The following DPP6 variants were observed in gnomAD, a reference collection of about 807,000 sequenced individuals.
DPP6 encodes the protein dipeptidyl peptidase like 6.
DPP6 carries 69 observed loss-of-function variants against 122.6 expected under a neutral mutation model. The observed-to-expected ratio is 0.56, with a 90% confidence interval of 0.46 to 0.69. DPP6 has a LOEUF of 0.69. DPP6 is among the 30% of genes least tolerant of loss of function. The pLI, the probability that DPP6 is intolerant of heterozygous loss-of-function variation, is 0.00. For synonymous variants in DPP6, 418 were observed against 433.1 expected, an observed-to-expected ratio of 0.97 and a Z score of 0.43; for missense variants, 928 against 1,116.9, an observed-to-expected ratio of 0.83 and a Z score of 2.41.
At chr7:154,597,895 G>C (rs1350300342) in intron 5 of DPP6, among the ~76,000 whole-genome samples, 1 of 152,152 alleles carries the variant, frequency 6.6e-6, no homozygotes, top group Non-Finnish European at 1.5e-5. Context: ...CTCCTTGTGT[G>C]CATGTCTGTC....
At chr7:154,614,128 C>T (rs550723502) in intron 5 of DPP6, among the ~76,000 whole-genome samples, 1 of 152,320 alleles carries the variant, frequency 6.6e-6, no homozygotes, top group South Asian at 2.1e-4. Context: ...AGCTATTCTC[C>T]CTTCCCAATC....
intron 1 of DPP6, among the ~76,000 whole-genome samples, chr7:154,284,152 C>T (rs1804701780): frequency 6.6e-6 from 1 of 152,086 alleles, no homozygotes; most frequent in African/African-American, 2.4e-5. Context: ...ACTGGGTCTT[C>T]TGTCTTCTGG....
At chr7:153,921,047 T>C (rs1800615137) in intron 1 of DPP6, among the ~76,000 whole-genome samples, 1 of 152,274 alleles carries the variant, frequency 6.6e-6, no homozygotes, top group Non-Finnish European at 1.5e-5. Flanking sequence ...TTCCTTGCTC[T>C]ATAGCGAGAA....
intron 4 of DPP6, among the ~76,000 whole-genome samples, chr7:154,548,082 G>A (rs183422312): frequency 5.3e-4 from 81 of 152,114 alleles, no homozygotes; most frequent in Non-Finnish European, 5.1e-4. Flanking sequence ...GGTGGCAGGC[G>A]CCTGTAATCC....
chr7:154,809,209 AT>A (rs1436184702), intron 16 of DPP6, among the ~76,000 whole-genome samples: 11 of 152,166 alleles, frequency 7.2e-5, no homozygotes, highest in African/African-American at 1.2e-4. Context: ...GCAGAAAGCA[AT>A]TCCACTCTTC....
In DPP6 at chr7:154,282,516, G is replaced by A. The variant is rs764616822; in HGVS notation, c.244-163698G>A. ...GTGTGGCACACTGGAAGAAAGACAC[G>A]CTGTATCCTGGGCACAGGTCTTCTG... On this transcript the variant is annotated intron_variant, in intron 1 of 25. Transcript: ENST00000377770. The surrounding 1 kb of genome is among the most constrained non-coding windows in gnomAD (Gnocchi z 4.8). 3.9e-5 allele frequency among the ~76,000 whole-genome samples: 6 copies of A among 152,142 alleles called. No homozygotes were observed. The highest frequency in any genetic ancestry group is 5.9e-5 in the Non-Finnish European group (4 of 68,028).
intron 1 of DPP6, among the ~76,000 whole-genome samples, chr7:153,980,763 T>A (rs1028206972): frequency 1.3e-5 from 2 of 152,220 alleles, no homozygotes; most frequent in African/African-American, 2.4e-5. Flanking sequence ...TTCTCATTGG[T>A]TTCAAAGAAC....
At chr7:154,365,484 TC>T (rs1352382528) in intron 1 of DPP6, among the ~76,000 whole-genome samples, 5 of 152,152 alleles carry the variant, frequency 3.3e-5, no homozygotes, top group African/African-American at 1.2e-4. Flanking sequence ...CTTCTTCTCT[TC>T]CTGTGAACCA....
intron 1 of DPP6, among the ~76,000 whole-genome samples, chr7:153,999,352 C>T (rs1056827466): frequency 4.6e-5 from 7 of 152,224 alleles, no homozygotes; most frequent in African/African-American, 1.4e-4. Context: ...AGTATGGAAA[C>T]CTGATATCTA....
At chr7:153,867,584 T>G in the DPP6 span, among the ~76,000 whole-genome samples, 27 of 151,228 alleles carry the variant, frequency 1.8e-4, no homozygotes, top group African/African-American at 4.9e-4. Context: ...TATACAATCA[T>G]GTCATTTGCA....
At chr7:154,133,876 T>C (rs931187548) in intron 1 of DPP6, among the ~76,000 whole-genome samples, 2 of 150,118 alleles carry the variant, frequency 1.3e-5, no homozygotes, top group Admixed American at 1.3e-4. Context: ...CAGGACCGAG[T>C]GAGTCTCTCA....
chr7:154,165,699 C>T (rs536659070), intron 1 of DPP6, among the ~76,000 whole-genome samples: 1 of 152,136 alleles, frequency 6.6e-6, no homozygotes, highest in African/African-American at 2.4e-5. Context: ...GACTGCCATT[C>T]TAACTGATGT....
chr7:154,876,968 T>C (rs1248165314), intron 20 of DPP6: 1 of 152,124 alleles, frequency 6.6e-6, no homozygotes, highest in African/African-American at 2.4e-5. Flanking sequence ...ATCATCACCG[T>C]TATGGGCAGG....
intron 1 of DPP6, among the ~76,000 whole-genome samples, chr7:154,257,270 C>CA (rs1802718373): frequency 1.3e-5 from 2 of 151,996 alleles, no homozygotes; most frequent in African/African-American, 4.8e-5. Context: ...AGAGGCTATT[C>CA]CTACCTGTTG....
intron 12 of DPP6, among the ~76,000 whole-genome samples, chr7:154,798,626 G>T (rs2150442118): frequency 6.6e-6 from 1 of 152,324 alleles, no homozygotes; most frequent in South Asian, 2.1e-4. Flanking sequence ...ATCAGCTGCA[G>T]TTGTGATTGT....
At chr7:154,747,037 T>A (rs146065956) in intron 8 of DPP6, among the ~76,000 whole-genome samples, 2 of 152,116 alleles carry the variant, frequency 1.3e-5, no homozygotes, top group Non-Finnish European at 2.9e-5. Flanking sequence ...AATAAAAACA[T>A]TGGAGGAAGG....
At chr7:153,936,274 A>G (rs1174514447) in intron 1 of DPP6, among the ~76,000 whole-genome samples, 1 of 152,086 alleles carries the variant, frequency 6.6e-6, no homozygotes, top group Non-Finnish European at 1.5e-5. Flanking sequence ...CTCTCAGTAT[A>G]TGAAATGTTC....
intron 3 of DPP6, among the ~76,000 whole-genome samples, chr7:154,538,041 C>CA (rs576806069): frequency 1.8e-4 from 26 of 144,778 alleles, no homozygotes; most frequent in Admixed American, 5.5e-4. Flanking sequence ...AGGTCAAATG[C>CA]AAAAAAAAAC....
At chr7:153,931,667 C>A (rs1801177371) in intron 1 of DPP6, among the ~76,000 whole-genome samples, 1 of 152,216 alleles carries the variant, frequency 6.6e-6, no homozygotes, top group Non-Finnish European at 1.5e-5. Flanking sequence ...TTCTGTGATA[C>A]CCTGAGTACA....
Sources: gnomAD v4.1 joint callset for allele counts (sites outside exome capture counted in the v4.1 genomes callset) on GRCh38, gnomAD v4.1.1 for gene constraint, Gnocchi (gnomAD v3.1) non-coding constraint, MANE v1.5 for transcripts, NCBI Gene and HGNC (gene_info 2026-07-23, HGNC 2026-07-21) for gene names.